MAPRE2: variants seen among roughly 807,000 people sequenced by gnomAD.
MAPRE2 encodes microtubule-associated protein RP/EB family member 2.
MAPRE2 carries 13 observed loss-of-function variants against 43.2 expected under a neutral mutation model. The observed-to-expected ratio is 0.30, with a 90% CI of 0.20 to 0.48. The LOEUF is 0.48. Among genes scored for constraint, MAPRE2 ranks in the 20% least tolerant of loss-of-function variants. MAPRE2 has a pLI of 0.99. For synonymous variants in MAPRE2, 135 were observed against 148.8 expected, an observed-to-expected ratio of 0.91 and a Z score of 0.68; for missense variants, 161 against 400.2, an observed-to-expected ratio of 0.40 and a Z score of 5.10.
At chr18:35,024,516 A>T (rs2097043952) in intron 2 of MAPRE2, among the ~76,000 whole-genome samples, 1 of 151,974 alleles carries the variant, frequency 6.6e-6, no homozygotes. Context: ...TGATAACGAT[A>T]TAACTTGCTT....
chr18:34,983,960 A>C (rs537621961), intron 1 of MAPRE2, among the ~76,000 whole-genome samples: 1 of 152,266 alleles, frequency 6.6e-6, no homozygotes, highest in South Asian at 2.1e-4. Flanking sequence ...TAAAACATGC[A>C]TTTACTGTAA....
intron 4 of MAPRE2, among the ~76,000 whole-genome samples, chr18:35,102,737 A>G (rs1908738502): frequency 6.6e-6 from 1 of 152,192 alleles, no homozygotes; most frequent in Non-Finnish European, 1.5e-5. Context: ...ACTTCTGTGG[A>G]TAAAAAAAGA....
intron 3 of MAPRE2, among the ~76,000 whole-genome samples, chr18:35,098,495 C>T (rs1908527475): frequency 6.6e-6 from 1 of 152,192 alleles, no homozygotes; most frequent in Non-Finnish European, 1.5e-5. Context: ...ATCTTCTTGA[C>T]ATTCTTATCA....
rs149178649 is a variant in MAPRE2 at position 35,031,157 on chromosome 18, C to T, written c.-8+25604C>T. On this transcript the variant is annotated intron_variant, in intron 2 of 7. Transcript: ENST00000413393. Reference sequence around the variant, plus strand: ...TACTTATATATTGTCTGTCTCCTGACCCTACCACATACACTTGCTCATACA... The same window carrying T: ...TACTTATATATTGTCTGTCTCCTGATCCTACCACATACACTTGCTCATACA... 5.1e-3 allele frequency among the ~76,000 whole-genome samples: 774 copies of T among 152,328 alleles called. 4 individuals are homozygous for T. Among genetic ancestry groups the T allele is most frequent in the Non-Finnish European group, 7.6e-3 (520 of 68,028 alleles).
intron 4 of MAPRE2, among the ~76,000 whole-genome samples, chr18:35,118,532 C>T (rs1909518419): frequency 6.6e-6 from 1 of 152,156 alleles, no homozygotes; most frequent in Admixed American, 6.5e-5. Context: ...TTACCAAAAA[C>T]ACAACAAATC....
intron 2 of MAPRE2, among the ~76,000 whole-genome samples, chr18:35,007,973 G>C (rs1568969775): frequency 6.6e-6 from 1 of 152,192 alleles, no homozygotes. Flanking sequence ...CCAACTGGGG[G>C]ACTTGAGCAT....
At chr18:35,045,842 C>G (rs1049816336) in intron 1 of MAPRE2, among the ~76,000 whole-genome samples, 7 of 152,208 alleles carry the variant, frequency 4.6e-5, no homozygotes, top group African/African-American at 1.7e-4. Context: ...TTTGTCCTTA[C>G]TATTTTTCTT....
intron 2 of MAPRE2, among the ~76,000 whole-genome samples, chr18:35,072,312 G>A (rs2144107915): frequency 6.6e-6 from 1 of 152,274 alleles, no homozygotes; most frequent in South Asian, 2.1e-4. Flanking sequence ...ACTCATTTTG[G>A]AGATGAATGA....
intron 2 of MAPRE2, among the ~76,000 whole-genome samples, chr18:35,034,839 A>G (rs1423849545): frequency 2.6e-5 from 4 of 152,262 alleles, no homozygotes; most frequent in African/African-American, 4.8e-5. Flanking sequence ...TTAGAATGGC[A>G]ATCATTAAAA....
rs762923066 is a variant in MAPRE2 at position 35,106,956 on chromosome 18, C to A, written c.610+4797C>A. Among the ~76,000 whole-genome samples the A allele has an allele frequency of 5.5e-4, 84 of 152,202 alleles. 1 individual carries two copies. Among genetic ancestry groups the A allele is most frequent in the Admixed American group, 2.2e-3 (34 of 15,270 alleles). On this transcript the variant is annotated intron_variant, in intron 4 of 6. Coordinates refer to ENST00000300249, the MANE Select transcript of MAPRE2 (RefSeq NM_014268.4). Reference sequence around the variant, plus strand: ...GAGCCATATCTGCAACTCAAGATAGCTGTTGGTGGGGATTGGTTTTTATGT... The same window carrying A: ...GAGCCATATCTGCAACTCAAGATAGATGTTGGTGGGGATTGGTTTTTATGT...
intron 1 of MAPRE2, among the ~76,000 whole-genome samples, chr18:35,062,601 G>A (rs950749019): frequency 2.6e-5 from 4 of 152,160 alleles, no homozygotes; most frequent in Admixed American, 1.3e-4. Flanking sequence ...GACCTGGACC[G>A]AGCGAAAGTC....
chr18:35,109,420 G>C (rs887189137), intron 4 of MAPRE2, among the ~76,000 whole-genome samples: 11 of 152,138 alleles, frequency 7.2e-5, no homozygotes, highest in African/African-American at 1.9e-4. Flanking sequence ...TTTTTGCCTA[G>C]AACTGTCTTG....
chr18:35,063,050 A>C (rs1906614146), intron 1 of MAPRE2, among the ~76,000 whole-genome samples: 1 of 152,194 alleles, frequency 6.6e-6, no homozygotes, highest in Non-Finnish European at 1.5e-5. Flanking sequence ...TTGTCACTGC[A>C]ACATGTGTGA....
chr18:35,102,125 A>G lies in MAPRE2; in HGVS notation c.576A>G (p.Pro192=). 1.9e-6 allele frequency: 3 copies of G among 1,604,766 alleles called. No individual in the cohort carries two copies. ...CTGGTGAACAGATCTTCAACCTGCC[A>G]AAAAAGTCTCACCATGCAAACTCCC... The part of the protein sequence containing the change: ...PDPGEQIFNL[P]KKSHHANSPT... Residue 192 remains proline (P), a synonymous_variant, in exon 4 of 7, where the codon CCA becomes CCG. Coordinates refer to ENST00000300249, the MANE Select transcript of MAPRE2 (RefSeq NM_014268.4).
chr18:35,080,539 C>T (rs1907583213), intron 2 of MAPRE2, among the ~76,000 whole-genome samples: 1 of 152,198 alleles, frequency 6.6e-6, no homozygotes, highest in South Asian at 2.1e-4. Context: ...ATGGAAACAT[C>T]TGAAATATTA....
At chr18:35,127,352 C>T in intron 5 of MAPRE2, 1 of 394,356 alleles carries the variant, frequency 2.5e-6, no homozygotes, top group Non-Finnish European at 4.7e-6. Flanking sequence ...CCTTCCCCTC[C>T]CCTGCTCCTC....
Position 35,035,221 on chromosome 18 carries a change from A to G in MAPRE2, c.-8+29668A>G, listed in dbSNP as rs547547281. On this transcript the variant is annotated intron_variant, in intron 2 of 7. Coordinates refer to the MAPRE2 transcript ENST00000413393. ...GCTCATGTCCTTTGTAGGGACATGG[A>G]TGAAATTGGAAATCATCATTCTCAG... Among the ~76,000 whole-genome samples, 729 of 152,116 alleles carry G rather than the reference A, an allele frequency of 4.8e-3. 5 individuals are homozygous for G. The highest frequency in any genetic ancestry group is 0.016 in the African/African-American group (662 of 41,456).
chr18:35,008,367 T>A (rs1246179747), intron 2 of MAPRE2, among the ~76,000 whole-genome samples: 5 of 152,158 alleles, frequency 3.3e-5, no homozygotes, highest in Non-Finnish European at 7.4e-5. Context: ...AAAAGTAACA[T>A]AATACACTTA....
chr18:35,134,105 C>G (rs1053174284), intron 6 of MAPRE2, among the ~76,000 whole-genome samples: 4 of 152,172 alleles, frequency 2.6e-5, no homozygotes, highest in Admixed American at 1.3e-4. Context: ...GGGTCTAGGA[C>G]TTGACGTATA....
Sources: gnomAD v4.1 joint callset for allele counts (sites outside exome capture counted in the v4.1 genomes callset) on GRCh38, gnomAD v4.1.1 for gene constraint, MANE v1.5 for transcripts, NCBI Gene and HGNC (gene_info 2026-07-23, HGNC 2026-07-21) for gene names.